Variants in MRE11 observed in about 807,000 individuals in gnomAD.
MRE11 encodes the protein MRE11 double strand break repair nuclease.
Under a neutral mutation model 91.7 loss-of-function variants are expected in MRE11, and 62 were observed. The observed-to-expected ratio is 0.68, with a 90% CI of 0.55 to 0.84. The LOEUF (loss-of-function observed/expected upper bound fraction) is 0.84, where lower values mean the gene tolerates loss of function less well. Among genes scored for constraint, MRE11 ranks in the 40% least tolerant of loss-of-function variants. The pLI is 0.00. For synonymous variants in MRE11, 273 were observed against 271.4 expected (o/e 1.01, Z -0.06); for missense variants, 796 against 852.9 (o/e 0.93, Z 0.83).
chr11:94,417,797 A>C lies in MRE11; in HGVS notation c.*2328T>G, dbSNP rs564496080. Reference sequence around the variant, plus strand: ...AAAGTTTGGGAAAAAAGTCTTTTACATACCTGAATTAAAGGTCACATTCCT... The same window carrying C: ...AAAGTTTGGGAAAAAAGTCTTTTACCTACCTGAATTAAAGGTCACATTCCT... On this transcript the variant is annotated 3_prime_UTR_variant, in exon 20 of 20. Coordinates refer to ENST00000323929, the MANE Select transcript of MRE11 (RefSeq NM_005591.4). 8.2e-4 allele frequency: 192 copies of C among 233,144 alleles called. No individual in the cohort carries two copies. Among genetic ancestry groups the C allele is most frequent in the African/African-American group, 4.0e-3 (181 of 45,460 alleles). 14.4% of individuals were successfully genotyped at this position (233,144 alleles called of 1,614,324 possible). A position where few individuals can be genotyped will look rare whatever the true frequency, so the allele number is the denominator to read the frequency against.
At chr11:94,479,020 A>G (rs537521991) in intron 5 of MRE11, 144 bp from the exon 6 acceptor site, 9 of 874,572 alleles carry the variant, frequency 1.0e-5, no homozygotes, top group Non-Finnish European at 1.6e-5. Context: ...ACAAAATTAC[A>G]ATAGTAAAAG....
At chr11:94,486,183 T>A in intron 3 of MRE11, 99 bp from the exon 4 acceptor site, 1 of 1,141,136 alleles carries the variant, frequency 8.8e-7, no homozygotes, top group Non-Finnish European at 1.3e-6. Context: ...CAAAAGACAC[T>A]ATTATATATG....
chr11:94,431,485 G>A (rs527391611), intron 18 of MRE11, among the ~76,000 whole-genome samples: 119 of 152,210 alleles, frequency 7.8e-4, no homozygotes, highest in Non-Finnish European at 1.2e-3. Flanking sequence ...TGTCAATTTT[G>A]GAAATTGCCT....
intron 3 of MRE11, among the ~76,000 whole-genome samples, chr11:94,487,399 A>C (rs952865057): frequency 9.9e-5 from 15 of 152,228 alleles, no homozygotes; most frequent in Non-Finnish European, 1.5e-5. Flanking sequence ...GAACCTAATC[A>C]TGAGGAAATA....
intron 3 of MRE11, among the ~76,000 whole-genome samples, chr11:94,486,389 C>T (rs1019391163): frequency 2.6e-5 from 4 of 152,128 alleles, no homozygotes; most frequent in African/African-American, 9.7e-5. Flanking sequence ...TTTAACAGAA[C>T]GTATGGGAAG....
chr11:94,498,282 C>T, upstream of MRE11: 1 of 1,614,172 alleles, frequency 6.2e-7, no homozygotes, highest in East Asian at 2.2e-5. Context: ...ACCAGAGTGG[C>T]TTCTTTCTTA....
In MRE11 at chr11:94,459,452, T is replaced by C. The variant is rs767896176; in HGVS notation, c.1456A>G (p.Lys486Glu). The change falls in exon 13 of 20, where the codon AAA becomes GAA. Residue 486 changes from lysine (K) to glutamate (E), a missense_variant. Physicochemically the swap from Lys to Glu is moderately conservative, Grantham distance 56. Coordinates refer to ENST00000323929, the MANE Select transcript of MRE11 (RefSeq NM_005591.4). ...YQLEKTQRFL[K>E]ERHIDALEDK... ...TCGAGGGCATCAATATGACGTTCTT[T>C]AAGAAATCGCTGTGTTTTTTCCAAC... The C allele has an allele frequency of 1.9e-6, 3 of 1,614,052 alleles. No individual in the cohort carries two copies. The highest frequency in any genetic ancestry group is 2.5e-6 in the Non-Finnish European group (3 of 1,179,940).
At chr11:94,462,830 G>A (rs1273040572) in intron 11 of MRE11, among the ~76,000 whole-genome samples, 1 of 152,140 alleles carries the variant, frequency 6.6e-6, no homozygotes, top group Non-Finnish European at 1.5e-5. Context: ...AAAAACCCTA[G>A]AAGAAAACCT....
At chr11:94,486,192 T>C (rs1050369809) in intron 3 of MRE11, 108 bp from the exon 4 acceptor site, 6 of 1,033,236 alleles carry the variant, frequency 5.8e-6, no homozygotes, top group African/African-American at 3.3e-5. Flanking sequence ...CTATTATATA[T>C]GGCAACTTAA....
chr11:94,427,929 T>C (rs1188186657), intron 19 of MRE11, among the ~76,000 whole-genome samples: 1 of 152,168 alleles, frequency 6.6e-6, no homozygotes, highest in Non-Finnish European at 1.5e-5. Flanking sequence ...GCTTAGGAAC[T>C]GGAAGAATCA....
At position 94,456,347 on chromosome 11, in the gene MRE11, T is replaced by A; in HGVS notation, c.1501-9A>T. On this transcript the variant is annotated splice_polypyrimidine_tract_variant and intron_variant, in intron 13 of 19. Coordinates refer to ENST00000323929, the MANE Select transcript of MRE11 (RefSeq NM_005591.4). ...TCTCTGAAACGACGTACCTAGATCA[T>A]AACAGAGTAAATCACAAACATGTTG... 1 of 1,607,032 alleles carries A rather than the reference T, an allele frequency of 6.2e-7. No individual in the cohort carries two copies. The highest frequency in any genetic ancestry group is 8.5e-7 in the Non-Finnish European group (1 of 1,173,942).
chr11:94,426,594 A>G (rs1809584004), intron 19 of MRE11, among the ~76,000 whole-genome samples: 1 of 152,188 alleles, frequency 6.6e-6, no homozygotes, highest in South Asian at 2.1e-4. Flanking sequence ...GCAAAAATCC[A>G]TACCAAAGAT....
the MRE11 span, among the ~76,000 whole-genome samples, chr11:94,505,220 A>C: frequency 2.0e-5 from 3 of 152,236 alleles, no homozygotes; most frequent in Non-Finnish European, 4.4e-5. Flanking sequence ...CTTATTAAAA[A>C]AAGTGAACTG....
chr11:94,458,250 A>C lies in MRE11; in HGVS notation c.1500+1158T>G, dbSNP rs13447671. 1.6e-3 allele frequency among the ~76,000 whole-genome samples: 236 copies of C among 152,072 alleles called. 1 individual carries two copies. The highest frequency in any genetic ancestry group is 2.6e-3 in the Non-Finnish European group (178 of 67,956). On this transcript the variant is annotated intron_variant, in intron 13 of 19. Coordinates refer to ENST00000323929, the MANE Select transcript of MRE11 (RefSeq NM_005591.4). ...TAGGGAGAATCTGGGAAATAGAGAA[A>C]GTGATCCCCTGTAATATAACTACCT...
At chr11:94,464,036 T>A (rs995811026) in intron 11 of MRE11, 77 bp downstream of exon 11, 2 of 1,450,890 alleles carry the variant, frequency 1.4e-6, no homozygotes, top group African/African-American at 2.8e-5. Context: ...TCCATTATTA[T>A]GTTACAGTTT....
chr11:94,426,664 G>C (rs1235295210), intron 19 of MRE11, among the ~76,000 whole-genome samples: 5 of 151,998 alleles, frequency 3.3e-5, no homozygotes, highest in Non-Finnish European at 7.4e-5. Context: ...CTGCTAGCTA[G>C]ATTAACAAAG....
At position 94,415,654 on chromosome 11, in the gene MRE11, A is replaced by T. The variant is rs1423990830; in HGVS notation, c.*4471T>A. The T allele has an allele frequency of 6.6e-6, 1 of 152,226 alleles. No individual in the cohort carries two copies. The highest frequency in any genetic ancestry group is 1.5e-5 in the Non-Finnish European group (1 of 68,034). 9.4% of individuals were successfully genotyped at this position (152,226 alleles called of 1,614,324 possible). Reference sequence around the variant, plus strand: ...ACATTTAAAACACACAACGGGAAGCAGCGCAGTTATCTCTCAAAATAGACA... The same window carrying T: ...ACATTTAAAACACACAACGGGAAGCTGCGCAGTTATCTCTCAAAATAGACA... On this transcript the variant is annotated 3_prime_UTR_variant, in exon 20 of 20. Transcript: ENST00000323929.
chr11:94,495,899 C>G (rs1355468234), upstream of MRE11, among the ~76,000 whole-genome samples: 4 of 152,110 alleles, frequency 2.6e-5, no homozygotes, highest in Admixed American at 2.6e-4. Context: ...ATTATTGAAT[C>G]CCAGTACCCA....
At chr11:94,508,883 T>TC in the MRE11 span, among the ~76,000 whole-genome samples, 1 of 151,700 alleles carries the variant, frequency 6.6e-6, no homozygotes, top group Non-Finnish European at 1.5e-5. Context: ...TGCCTCAGCC[T>TC]CCCCAGTAGC....
Sources: allele counts gnomAD v4.1 joint callset (sites outside exome capture counted in the v4.1 genomes callset), GRCh38; gene constraint gnomAD v4.1.1; transcripts MANE v1.5; gene names NCBI Gene and HGNC (gene_info 2026-07-23, HGNC 2026-07-21).